TAS2R1: variants seen among roughly 807,000 people sequenced by gnomAD.
TAS2R1 encodes the protein taste receptor type 2 member 1.
For missense variants in TAS2R1, 370 were observed against 353.4 expected (o/e 1.05, Z -0.38); for synonymous variants, 141 against 134.2 (o/e 1.05, Z -0.35).
the TAS2R1 span, among the ~76,000 whole-genome samples, chr5:9,865,268 T>G: frequency 6.6e-6 from 1 of 152,184 alleles, no homozygotes; most frequent in East Asian, 1.9e-4. Flanking sequence ...ATATCCAGGA[T>G]GTAAAATCAA....
intron 1 of TAS2R1, among the ~76,000 whole-genome samples, chr5:9,675,839 C>T (rs1740864666): frequency 6.6e-6 from 1 of 152,126 alleles, no homozygotes; most frequent in Non-Finnish European, 1.5e-5. Context: ...AGGTGTATGA[C>T]TTTTATTACA....
chr5:9,650,056 T>TA (rs1424908594), intron 2 of TAS2R1, among the ~76,000 whole-genome samples: 1 of 152,124 alleles, frequency 6.6e-6, no homozygotes, highest in African/African-American at 2.4e-5. Context: ...AATTTTAATA[T>TA]AAAAAATAAA....
the TAS2R1 span, among the ~76,000 whole-genome samples, chr5:9,848,912 C>T: frequency 1.3e-5 from 2 of 152,202 alleles, no homozygotes; most frequent in East Asian, 1.9e-4. Flanking sequence ...TTACTTCCTT[C>T]AGGAAACCGT....
chr5:9,794,797 A>C, the TAS2R1 span, among the ~76,000 whole-genome samples: 1 of 152,182 alleles, frequency 6.6e-6, no homozygotes, highest in Non-Finnish European at 1.5e-5. Flanking sequence ...AGGGAGAAAA[A>C]ATTATCCCAA....
intron 2 of TAS2R1, among the ~76,000 whole-genome samples, chr5:9,639,484 T>C (rs1324948470): frequency 1.3e-5 from 2 of 152,086 alleles, no homozygotes; most frequent in African/African-American, 4.8e-5. Flanking sequence ...TTTGTGGAAT[T>C]TGCAGCAGCA....
chr5:9,760,608 G>C, the TAS2R1 span, among the ~76,000 whole-genome samples: 2 of 152,152 alleles, frequency 1.3e-5, no homozygotes, highest in Non-Finnish European at 2.9e-5. Flanking sequence ...TCATATCAAT[G>C]GATGTAGAAA....
chr5:9,640,725 T>C (rs1315679750), intron 2 of TAS2R1, among the ~76,000 whole-genome samples: 1 of 152,166 alleles, frequency 6.6e-6, no homozygotes, highest in Non-Finnish European at 1.5e-5. Flanking sequence ...AGAAGCAGAT[T>C]TGTGCTTTCT....
intron 2 of TAS2R1, among the ~76,000 whole-genome samples, chr5:9,640,010 A>G (rs547004645): frequency 4.1e-4 from 62 of 152,262 alleles, no homozygotes; most frequent in African/African-American, 1.5e-3. Context: ...CTTTGCATTC[A>G]CAACCTAAGC....
chr5:9,804,242 A>G, the TAS2R1 span, among the ~76,000 whole-genome samples: 1 of 152,164 alleles, frequency 6.6e-6, no homozygotes, highest in Admixed American at 6.5e-5. Flanking sequence ...AATTTATAAA[A>G]CAATTACCCT....
chr5:9,782,278 C>T, the TAS2R1 span, among the ~76,000 whole-genome samples: 11 of 152,310 alleles, frequency 7.2e-5, no homozygotes, highest in Admixed American at 5.2e-4. Context: ...ATCTCATAGT[C>T]CTCTTTTCCC....
chr5:9,658,814 G>C (rs552349403), intron 2 of TAS2R1: 1 of 152,300 alleles, frequency 6.6e-6, no homozygotes, highest in South Asian at 2.1e-4. Context: ...TGGGAATCTA[G>C]AGAAATGCAA....
At chr5:9,775,909 G>C in the TAS2R1 span, among the ~76,000 whole-genome samples, 1 of 152,204 alleles carries the variant, frequency 6.6e-6, no homozygotes, top group Non-Finnish European at 1.5e-5. Flanking sequence ...GAGCTGCCTG[G>C]AGTTGGGGTA....
the TAS2R1 span, among the ~76,000 whole-genome samples, chr5:9,857,394 A>G: frequency 4.6e-5 from 7 of 152,202 alleles, no homozygotes; most frequent in Non-Finnish European, 1.0e-4. Context: ...GTATGCAGGT[A>G]TCCAAAGGGC....
the TAS2R1 span, among the ~76,000 whole-genome samples, chr5:9,873,374 G>A: frequency 6.6e-6 from 1 of 151,210 alleles, no homozygotes; most frequent in Non-Finnish European, 1.5e-5. Flanking sequence ...TGCCCCATAT[G>A]AGGAGAGCAG....
chr5:9,811,649 T>C, the TAS2R1 span, among the ~76,000 whole-genome samples: 1 of 152,160 alleles, frequency 6.6e-6, no homozygotes, highest in Non-Finnish European at 1.5e-5. Context: ...TTCTTCTGCC[T>C]AGAAAATCAT....
the TAS2R1 span, among the ~76,000 whole-genome samples, chr5:9,762,784 GA>G: frequency 6.6e-6 from 1 of 152,214 alleles, no homozygotes; most frequent in Non-Finnish European, 1.5e-5. Flanking sequence ...TGTGGCAATG[GA>G]GAGCAATCTG....
chr5:9,790,619 G>A, the TAS2R1 span, among the ~76,000 whole-genome samples: 3 of 152,146 alleles, frequency 2.0e-5, no homozygotes, highest in Non-Finnish European at 1.5e-5. Flanking sequence ...GCATGTGTGT[G>A]TGTAAAATAA....
the TAS2R1 span, among the ~76,000 whole-genome samples, chr5:9,886,850 G>T: frequency 6.6e-6 from 1 of 151,796 alleles, no homozygotes; most frequent in African/African-American, 2.4e-5. Flanking sequence ...TAACCAACCT[G>T]CACATGTATC....
chr5:9,723,357 C>T, the TAS2R1 span, among the ~76,000 whole-genome samples: 20 of 152,196 alleles, frequency 1.3e-4, no homozygotes, highest in Admixed American at 9.8e-4. Context: ...TTGTGGACTG[C>T]GGGGCAAAAG....
Sources: allele counts gnomAD v4.1 joint callset (sites outside exome capture counted in the v4.1 genomes callset), GRCh38; gene constraint gnomAD v4.1.1; transcripts MANE v1.5; gene names NCBI Gene and HGNC (gene_info 2026-07-23, HGNC 2026-07-21).